Variants in SAMD12 observed in about 807,000 individuals in gnomAD.
The protein encoded by SAMD12 is sterile alpha motif domain-containing protein 12.
SAMD12 carries 9 observed loss-of-function variants against 15.0 expected under a neutral mutation model. That is an observed-to-expected ratio of 0.60 (90% CI 0.36 to 1.05). SAMD12 has a LOEUF of 1.05. SAMD12 is among the 50% of genes least tolerant of loss of function. The pLI is 0.01. For synonymous variants in SAMD12, 86 were observed against 90.1 expected, an observed-to-expected ratio of 0.96 and a Z score of 0.25; for missense variants, 230 against 234.2, an observed-to-expected ratio of 0.98 and a Z score of 0.12.
intron 3 of SAMD12, among the ~76,000 whole-genome samples, chr8:118,437,829 T>C (rs1822618674): frequency 6.6e-6 from 1 of 152,190 alleles, no homozygotes; most frequent in Admixed American, 6.5e-5. Flanking sequence ...TGCATGAATC[T>C]TTATTTCTGA....
intron 4 of SAMD12, among the ~76,000 whole-genome samples, chr8:118,334,702 C>T (rs1563771861): frequency 6.6e-6 from 1 of 152,050 alleles, no homozygotes. Context: ...CTCAAGCGAT[C>T]CTCCCACCTC....
At chr8:118,534,290 T>C (rs1405641480) in intron 2 of SAMD12, among the ~76,000 whole-genome samples, 3 of 152,188 alleles carry the variant, frequency 2.0e-5, no homozygotes, top group Admixed American at 1.3e-4. Context: ...TTCTGGCTTG[T>C]AGAGTTTCTG....
intron 3 of SAMD12, 38 bp downstream of exon 3, chr8:118,439,794 G>C (rs755380815): frequency 2.4e-5 from 38 of 1,602,278 alleles, no homozygotes; most frequent in Non-Finnish European, 3.1e-5. Flanking sequence ...CTGGGAGAAA[G>C]AAAAGGAGTG....
At chr8:118,221,358 G>A (rs1812077901) in intron 4 of SAMD12, among the ~76,000 whole-genome samples, 2 of 152,166 alleles carry the variant, frequency 1.3e-5, no homozygotes, top group Non-Finnish European at 2.9e-5. Context: ...TCCAGAGAGT[G>A]AGTGGGAGGG....
At chr8:118,553,341 T>C (rs1232207645) in intron 2 of SAMD12, among the ~76,000 whole-genome samples, 3 of 151,822 alleles carry the variant, frequency 2.0e-5, no homozygotes, top group East Asian at 1.9e-4. Flanking sequence ...GAGATATAGA[T>C]CAATGGAACA....
At chr8:118,531,690 T>C (rs914960079) in intron 2 of SAMD12, among the ~76,000 whole-genome samples, 2 of 152,216 alleles carry the variant, frequency 1.3e-5, no homozygotes, top group South Asian at 2.1e-4. Context: ...TTTGAAGCAA[T>C]TGTGAATGGG....
In SAMD12 at chr8:118,273,965, C is replaced by T. The variant is rs147598331; in HGVS notation, c.434-76233G>A. 3.7e-4 allele frequency among the ~76,000 whole-genome samples: 57 copies of T among 152,288 alleles called. No individual in the cohort carries two copies. In the East Asian group the frequency reaches 5.2e-3, roughly 14 times the overall value. Reference sequence around the variant, plus strand: ...AGTGTCTACTTTGTGCCCATCATTGCGCTGCACTCAACGTAAGGTATTGCA... The same window carrying T: ...AGTGTCTACTTTGTGCCCATCATTGTGCTGCACTCAACGTAAGGTATTGCA... On this transcript the variant is annotated intron_variant, in intron 4 of 4. Transcript: ENST00000409003.
intron 4 of SAMD12, among the ~76,000 whole-genome samples, chr8:118,342,028 G>A (rs956875338): frequency 6.6e-6 from 1 of 152,176 alleles, no homozygotes; most frequent in African/African-American, 2.4e-5. Context: ...GGTGGCTTAT[G>A]CCTGTAATCC....
chr8:118,439,085 T>C (rs1434663905), intron 3 of SAMD12, among the ~76,000 whole-genome samples: 3 of 152,066 alleles, frequency 2.0e-5, no homozygotes, highest in African/African-American at 4.8e-5. Context: ...GCCCACTCCA[T>C]CCCCCAATTG....
At chr8:118,379,827 A>T in intron 3 of SAMD12, 127 bp from the exon 4 acceptor site, 3 of 1,184,370 alleles carry the variant, frequency 2.5e-6, no homozygotes, top group Non-Finnish European at 3.5e-6. Context: ...TTTAGAATAA[A>T]GGTCTTCCAT....
chr8:118,283,944 T>C (rs1309349791), intron 4 of SAMD12, among the ~76,000 whole-genome samples: 1 of 152,162 alleles, frequency 6.6e-6, no homozygotes, highest in Non-Finnish European at 1.5e-5. Context: ...TGGTTTCTGG[T>C]ATATAGAAGT....
intron 4 of SAMD12, among the ~76,000 whole-genome samples, chr8:118,242,324 C>T (rs891160682): frequency 6.6e-6 from 1 of 151,998 alleles, no homozygotes; most frequent in Admixed American, 6.6e-5. Context: ...GGCCAGAAAA[C>T]CTTAAAGTAG....
intron 3 of SAMD12, among the ~76,000 whole-genome samples, chr8:118,427,566 G>A (rs571204708): frequency 6.6e-5 from 10 of 152,192 alleles, no homozygotes; most frequent in African/African-American, 2.4e-4. Flanking sequence ...GTGCCCTTTT[G>A]GGTTTAACGT....
chr8:118,444,332 G>A (rs928032737), intron 2 of SAMD12, among the ~76,000 whole-genome samples: 1 of 151,882 alleles, frequency 6.6e-6, no homozygotes, highest in African/African-American at 2.4e-5. Flanking sequence ...AAAGAGGCCC[G>A]AGGCAGTTTG....
intron 4 of SAMD12, among the ~76,000 whole-genome samples, chr8:118,221,799 G>A (rs1246823421): frequency 5.3e-5 from 8 of 152,202 alleles, no homozygotes; most frequent in Non-Finnish European, 8.8e-5. Flanking sequence ...CTTGCCTTGC[G>A]GCAATTGTCA....
In SAMD12 at chr8:118,320,685, G is replaced by A. The variant is rs564279638; in HGVS notation, c.433+58875C>T. Among the ~76,000 whole-genome samples, 166 of 136,102 alleles carry A rather than the reference G, an allele frequency of 1.2e-3. 1 individual carries two copies. The East Asian group carries it at 0.016, about 14-fold the overall frequency. The allele number at this position is 136,102 out of a possible 152,430, so 89.3% of individuals were successfully genotyped here. On this transcript the variant is annotated intron_variant, in intron 4 of 4. Transcript: ENST00000409003. ...CCTGTCGTGGGGTGGGGGGGGTGGG[G>A]AGGGATAGCATTAGGAGATATACCT...
chr8:118,597,972 T>G (rs1258956481), intron 1 of SAMD12, among the ~76,000 whole-genome samples: 1 of 152,188 alleles, frequency 6.6e-6, no homozygotes, highest in Non-Finnish European at 1.5e-5. Flanking sequence ...ACATAATTGT[T>G]GAATGAAGGA....
chr8:118,606,631 A>G (rs1169223173), intron 1 of SAMD12, among the ~76,000 whole-genome samples: 1 of 152,158 alleles, frequency 6.6e-6, no homozygotes, highest in Non-Finnish European at 1.5e-5. Context: ...CAAAGCAGCC[A>G]GATGAGGCAG....
chr8:118,581,075 C>T (rs1563595898), intron 1 of SAMD12, among the ~76,000 whole-genome samples, 182 bp from the exon 2 acceptor site: 1 of 152,092 alleles, frequency 6.6e-6, no homozygotes, highest in Non-Finnish European at 1.5e-5. Context: ...AAACCTTGAG[C>T]TTGGAAATCA....
Sources: allele counts gnomAD v4.1 joint callset (sites outside exome capture counted in the v4.1 genomes callset), GRCh38; gene constraint gnomAD v4.1.1; transcripts MANE v1.5; gene names NCBI Gene and HGNC (gene_info 2026-07-23, HGNC 2026-07-21).